CDCP2: variants seen among roughly 807,000 people sequenced by gnomAD.
CDCP2 encodes CUB domain-containing protein 2.
A neutral mutation model predicts 31.0 loss-of-function variants in CDCP2; 31 were observed. That is an observed-to-expected ratio of 1.00 (90% CI 0.75 to 1.35). The LOEUF is 1.35. Ranked by LOEUF, CDCP2 falls within the 40% of genes most tolerant of loss-of-function variation. The probability of loss-of-function intolerance (pLI) is 0.00; values close to 1 mark genes in which losing one functional copy is unlikely to be tolerated. For synonymous variants in CDCP2, 206 were observed against 207.9 expected, an observed-to-expected ratio of 0.99 and a Z score of 0.08; for missense variants, 443 against 482.6, an observed-to-expected ratio of 0.92 and a Z score of 0.77.
At chr1:54,152,259 T>G (rs1308315724) in intron 1 of CDCP2, among the ~76,000 whole-genome samples, 3 of 151,992 alleles carry the variant, frequency 2.0e-5, no homozygotes, top group Non-Finnish European at 4.4e-5. Flanking sequence ...AGGTTAGGAG[T>G]TCGAGACCAG....
chr1:54,139,937 G>C, exon 4 of CDCP2: 4 of 1,614,200 alleles, frequency 2.5e-6, no homozygotes, highest in Non-Finnish European at 3.4e-6. Context: ...CACAGGTCTT[G>C]GTCAGGCTGT....
intron 5 of CDCP2, among the ~76,000 whole-genome samples, chr1:54,136,260 G>A (rs143105819): frequency 5.9e-5 from 9 of 152,280 alleles, no homozygotes; most frequent in African/African-American, 2.2e-4. Context: ...GGAAAGGGGA[G>A]GAACAGCAAA....
intron 1 of CDCP2, among the ~76,000 whole-genome samples, chr1:54,152,316 T>C (rs1659597843): frequency 6.6e-6 from 1 of 151,924 alleles, no homozygotes; most frequent in Non-Finnish European, 1.5e-5. Flanking sequence ...ATACAAAAAT[T>C]AGCTGGTCGT....
At chr1:54,146,164 TAA>T (rs1412714283) in intron 1 of CDCP2, among the ~76,000 whole-genome samples, 1 of 149,536 alleles carries the variant, frequency 6.7e-6, no homozygotes, top group Non-Finnish European at 1.5e-5. Flanking sequence ...ATTTTCAGTG[TAA>T]GAGTGGTAAG....
At position 54,148,938 on chromosome 1, in the gene CDCP2, G is replaced by GA. The variant is rs564951026; in HGVS notation, c.79+3905dup. ...AAATGCAATGTATGGACCTTGTTTGGATTCTGATTTGAACAAATGAATTGT... is the reference window on the plus strand; with the variant it reads ...AAATGCAATGTATGGACCTTGTTTGGAATTCTGATTTGAACAAATGAATTGT... On this transcript the variant is annotated intron_variant, in intron 1 of 5. Transcript: ENST00000530059. Among the ~76,000 whole-genome samples the GA allele has an allele frequency of 5.3e-3, 781 of 147,192 alleles. 4 individuals carry two copies. Among genetic ancestry groups the GA allele is most frequent in the Non-Finnish European group, 9.3e-3 (623 of 67,336 alleles).
At chr1:54,147,873 A>G (rs1458590664) in intron 1 of CDCP2, among the ~76,000 whole-genome samples, 2 of 151,530 alleles carry the variant, frequency 1.3e-5, no homozygotes, top group African/African-American at 2.4e-5. Flanking sequence ...TTAGCCGGGC[A>G]TGGTGGTGCA....
At chr1:54,152,715 C>A in intron 1 of CDCP2, 129 bp downstream of exon 1, 1 of 776,138 alleles carries the variant, frequency 1.3e-6, no homozygotes, top group Non-Finnish European at 2.2e-6. Context: ...AACACATTCT[C>A]AACTCAGCCA....
intron 4 of CDCP2, chr1:54,139,267 C>T (rs548323771): frequency 1.3e-4 from 65 of 492,990 alleles, no homozygotes; most frequent in Non-Finnish European, 2.1e-4. Flanking sequence ...AGCCCCTGGA[C>T]CAATACAGCA....
chr1:54,145,257 C>A (rs899481587), intron 1 of CDCP2, among the ~76,000 whole-genome samples: 3 of 152,104 alleles, frequency 2.0e-5, no homozygotes, highest in Non-Finnish European at 4.4e-5. Flanking sequence ...AAAATCCCAT[C>A]TCTACTAAAA....
chr1:54,137,151 G>T (rs918089833), intron 4 of CDCP2, among the ~76,000 whole-genome samples: 1 of 152,160 alleles, frequency 6.6e-6, no homozygotes, highest in African/African-American at 2.4e-5. Flanking sequence ...TTGGCCATGT[G>T]CCAGGCAATT....
intron 4 of CDCP2, among the ~76,000 whole-genome samples, chr1:54,137,181 T>C (rs1320747972): frequency 6.6e-6 from 1 of 152,194 alleles, no homozygotes; most frequent in Non-Finnish European, 1.5e-5. Flanking sequence ...ATTTAACAAA[T>C]ATATTGATGG....
At chr1:54,135,790 G>A (rs940484528) in intron 5 of CDCP2, among the ~76,000 whole-genome samples, 1 of 152,132 alleles carries the variant, frequency 6.6e-6, no homozygotes, top group African/African-American at 2.4e-5. Flanking sequence ...GGGTGGCCTG[G>A]AGGGGCCAGA....
At chr1:54,144,763 G>A in exon 2 of CDCP2, 1 of 1,614,066 alleles carries the variant, frequency 6.2e-7, no homozygotes, top group Non-Finnish European at 8.5e-7. Flanking sequence ...GGGAAGTTGG[G>A]GCTGGAGAAG....
chr1:54,141,109 T>C, exon 3 of CDCP2: 2 of 1,527,440 alleles, frequency 1.3e-6, no homozygotes, highest in Non-Finnish European at 1.8e-6. Context: ...TGAGAAGTAG[T>C]AGGCCTTGAA....
At chr1:54,141,011 G>A in intron 3 of CDCP2, 87 bp downstream of exon 3, 1 of 1,155,984 alleles carries the variant, frequency 8.7e-7, no homozygotes, top group Non-Finnish European at 1.2e-6. Context: ...GCGGGGGGCA[G>A]AAAGGTGTGA....
exon 4 of CDCP2, chr1:54,139,805 C>T: frequency 6.2e-7 from 1 of 1,614,182 alleles, no homozygotes; most frequent in East Asian, 2.2e-5. Flanking sequence ...GGTCTGTGTG[C>T]AGCAGAAGCA....
chr1:54,152,584 T>C (rs1659602016), intron 1 of CDCP2, among the ~76,000 whole-genome samples: 1 of 152,206 alleles, frequency 6.6e-6, no homozygotes, highest in Non-Finnish European at 1.5e-5. Flanking sequence ...AGTTTCTTCA[T>C]CTGGAAAATG....
At chr1:54,146,150 C>T (rs1659464462) in intron 1 of CDCP2, among the ~76,000 whole-genome samples, 2 of 150,966 alleles carry the variant, frequency 1.3e-5, no homozygotes, top group Non-Finnish European at 1.5e-5. Context: ...CAATAGAAAC[C>T]AATATTTTCA....
intron 4 of CDCP2, 196 bp downstream of exon 4, chr1:54,139,557 C>A: frequency 6.2e-7 from 1 of 1,613,756 alleles, no homozygotes; most frequent in South Asian, 1.1e-5. Flanking sequence ...ATAGTGGAAA[C>A]AAGCGGGAGC....
Sources: allele counts gnomAD v4.1 joint callset (sites outside exome capture counted in the v4.1 genomes callset), GRCh38; gene constraint gnomAD v4.1.1; transcripts MANE v1.5; gene names NCBI Gene and HGNC (gene_info 2026-07-23, HGNC 2026-07-21).